CLRN3: variants seen among roughly 807,000 people sequenced by gnomAD.
CLRN3 encodes clarin 3.
In CLRN3, 12 loss-of-function variants were observed where a neutral mutation model predicts 16.7. The ratio of observed to expected loss-of-function variants is 0.72; its 90% CI spans 0.46 to 1.16. CLRN3 has a LOEUF of 1.16. Ranked by LOEUF, CLRN3 falls within the 50% of genes most tolerant of loss-of-function variation. The pLI, the probability that CLRN3 is intolerant of heterozygous loss-of-function variation, is 0.00. For missense variants in CLRN3, 296 were observed against 274.2 expected (o/e 1.08, Z -0.56); for synonymous variants, 118 against 113.0 (o/e 1.04, Z -0.28).
chr10:127,884,027 G>C (rs893596143), intron 1 of CLRN3, 152 bp from the exon 2 acceptor site: 10 of 697,122 alleles, frequency 1.4e-5, no homozygotes, highest in Non-Finnish European at 2.3e-5. Flanking sequence ...GCAAGAACAA[G>C]ACCCGCATTC....
intron 1 of CLRN3, among the ~76,000 whole-genome samples, chr10:127,884,721 C>T (rs1236857177): frequency 6.6e-6 from 1 of 152,234 alleles, no homozygotes; most frequent in Non-Finnish European, 1.5e-5. Flanking sequence ...CTGGTTTTGC[C>T]TTTCTCAGGC....
At chr10:127,886,107 C>G (rs1272915831) in intron 1 of CLRN3, among the ~76,000 whole-genome samples, 1 of 152,146 alleles carries the variant, frequency 6.6e-6, no homozygotes, top group Non-Finnish European at 1.5e-5. Flanking sequence ...CCAGGCTGGT[C>G]TCCAATTCCT....
chr10:127,892,239 G>A (rs1845265284), intron 1 of CLRN3, among the ~76,000 whole-genome samples: 2 of 152,192 alleles, frequency 1.3e-5, no homozygotes, highest in African/African-American at 2.4e-5. Flanking sequence ...TAAAACATGT[G>A]TTCCTACTGG....
chr10:127,892,034 C>T (rs1423405978), intron 1 of CLRN3, among the ~76,000 whole-genome samples: 1 of 151,962 alleles, frequency 6.6e-6, no homozygotes, highest in Non-Finnish European at 1.5e-5. Flanking sequence ...ATCAAATATA[C>T]AATTAATAAA....
chr10:127,887,891 G>A (rs1218887491), intron 1 of CLRN3, among the ~76,000 whole-genome samples: 1 of 152,214 alleles, frequency 6.6e-6, no homozygotes, highest in Non-Finnish European at 1.5e-5. Flanking sequence ...AATTGCCCCA[G>A]GAGAGAGCCA....
intron 1 of CLRN3, among the ~76,000 whole-genome samples, chr10:127,888,689 C>A (rs376374366): frequency 1.0e-3 from 158 of 152,280 alleles, no homozygotes; most frequent in African/African-American, 3.7e-3. Context: ...GACTCGGACG[C>A]AGCACTCAAA....
rs74159111 is a variant in CLRN3, at chr10:127,888,096, C to T, written c.230-4221G>A. On this transcript the variant is annotated intron_variant, in intron 1 of 2. Transcript: ENST00000368671. ...TGAGTTCTGGTTTTCTGTAAGTCCT[C>T]GGACATCAAGGGAGAGCCCGTGGCT... Among the ~76,000 whole-genome samples, 250 of 152,344 alleles carry T rather than the reference C, an allele frequency of 1.6e-3. 2 individuals carry two copies. Among genetic ancestry groups the T allele is most frequent in the African/African-American group, 5.6e-3 (233 of 41,582 alleles).
chr10:127,884,042 C>G, intron 1 of CLRN3, 167 bp from the exon 2 acceptor site: 1 of 657,376 alleles, frequency 1.5e-6, no homozygotes, highest in Non-Finnish European at 2.7e-6. Context: ...GCATTCCCCA[C>G]TGGAGGCTGG....
chr10:127,881,964 G>A (rs1845133805), intron 2 of CLRN3, among the ~76,000 whole-genome samples: 1 of 152,222 alleles, frequency 6.6e-6, no homozygotes, highest in Non-Finnish European at 1.5e-5. Flanking sequence ...TTTCTTAGTT[G>A]CATGAGCAAA....
At chr10:127,890,255 C>G (rs959019019) in intron 1 of CLRN3, among the ~76,000 whole-genome samples, 1 of 152,168 alleles carries the variant, frequency 6.6e-6, no homozygotes, top group Non-Finnish European at 1.5e-5. Flanking sequence ...GATGGACATA[C>G]AGGACCTGTC....
chr10:127,883,623 G>T, intron 2 of CLRN3, 73 bp downstream of exon 2: 3 of 1,063,724 alleles, frequency 2.8e-6, no homozygotes, highest in South Asian at 1.3e-5. Flanking sequence ...TCATGCATGT[G>T]TGAGAGGCAG....
At chr10:127,880,722 G>A (rs1845118459) in intron 2 of CLRN3, among the ~76,000 whole-genome samples, 1 of 152,074 alleles carries the variant, frequency 6.6e-6, no homozygotes, top group Admixed American at 6.6e-5. Context: ...CCTCAAAGCA[G>A]AACCTGCTTC....
Position 127,892,613 on chromosome 10 carries a change from C to G in CLRN3, c.172G>C (p.Gly58Arg), listed in dbSNP as rs773328252. 10 of 1,613,260 alleles carry G rather than the reference C, an allele frequency of 6.2e-6. No homozygotes were observed. The South Asian group carries it at 7.7e-5, about 12-fold the overall frequency. ...TGACTCAATTCTTCACTACTCTCCC[C>G]ACGAAAAAGTCCGTAAGTGATGAAA... The part of the protein sequence containing the change: ...SIFITYGLFR[G>R]ESSEELSHGL... The change falls in exon 1 of 3, where the codon GGG (glycine) becomes CGG (arginine). Residue 58 changes from glycine to arginine, a missense_variant. Physicochemically the swap from Gly to Arg is moderately radical, Grantham distance 125 (BLOSUM62 -2). Transcript: ENST00000368671.
intron 1 of CLRN3, among the ~76,000 whole-genome samples, chr10:127,890,123 C>A (rs768427457): frequency 6.6e-6 from 1 of 152,250 alleles, no homozygotes; most frequent in Non-Finnish European, 1.5e-5. Flanking sequence ...AGGCCAGGAA[C>A]CATGTGCAAT....
intron 2 of CLRN3, among the ~76,000 whole-genome samples, chr10:127,882,054 C>T (rs757227617): frequency 6.6e-6 from 1 of 152,194 alleles, no homozygotes; most frequent in Non-Finnish European, 1.5e-5. Context: ...GGTGAACCAT[C>T]ATCATACAAG....
chr10:127,881,645 A>T (rs943334277), intron 2 of CLRN3, among the ~76,000 whole-genome samples: 5 of 152,220 alleles, frequency 3.3e-5, no homozygotes, highest in Admixed American at 3.3e-4. Flanking sequence ...GGCTTGGGGA[A>T]TTCAACCCTG....
At chr10:127,888,088 T>C (rs1591262111) in intron 1 of CLRN3, among the ~76,000 whole-genome samples, 1 of 152,248 alleles carries the variant, frequency 6.6e-6, no homozygotes, top group East Asian at 1.9e-4. Flanking sequence ...TGGTTTTCTG[T>C]AAGTCCTCGG....
rs754104842 is a variant in CLRN3 at position 127,892,616 on chromosome 10, G to A, written c.169C>T (p.Arg57Cys). 17 of 1,613,098 alleles carry A rather than the reference G, an allele frequency of 1.1e-5. No homozygotes were observed. The East Asian group carries it at 1.3e-4, about 13-fold the overall frequency. ...GSIFITYGLF[R>C]GESSEELSHG... is the part of the protein sequence containing the mutation. ...CTCAATTCTTCACTACTCTCCCCAC[G>A]AAAAAGTCCGTAAGTGATGAAAATG... Residue 57 changes from arginine to cysteine, a missense_variant, in exon 1 of 3, where the codon CGT becomes TGT. Arg to Cys is a radical substitution (Grantham distance 180). Coordinates refer to ENST00000368671, the MANE Select transcript of CLRN3 (RefSeq NM_152311.5).
At chr10:127,882,852 G>C (rs1390515251) in intron 2 of CLRN3, among the ~76,000 whole-genome samples, 1 of 152,200 alleles carries the variant, frequency 6.6e-6, no homozygotes, top group African/African-American at 2.4e-5. Flanking sequence ...TTTGATGGTG[G>C]AGAGGGAAAG....
Sources: allele counts gnomAD v4.1 joint callset (sites outside exome capture counted in the v4.1 genomes callset), GRCh38; gene constraint gnomAD v4.1.1; transcripts MANE v1.5; gene names NCBI Gene and HGNC (gene_info 2026-07-23, HGNC 2026-07-21).